The following ABLIM2 variants were observed in gnomAD, a reference collection of about 807,000 sequenced individuals.
ABLIM2 encodes actin binding LIM protein family member 2.
Under a neutral mutation model 97.7 loss-of-function variants are expected in ABLIM2, and 53 were observed. The ratio of observed to expected loss-of-function variants is 0.54; its 90% CI spans 0.44 to 0.68. The LOEUF is 0.68. Among genes scored for constraint, ABLIM2 ranks in the 30% least tolerant of loss-of-function variants. The probability of loss-of-function intolerance (pLI) is 0.00; values close to 1 mark genes in which losing one functional copy is unlikely to be tolerated. For synonymous variants in ABLIM2, 361 were observed against 345.8 expected (o/e 1.04, Z -0.49); for missense variants, 835 against 867.2 (o/e 0.96, Z 0.47).
At chr4:8,065,496 G>A (rs1451555276) in intron 6 of ABLIM2, among the ~76,000 whole-genome samples, 1 of 152,214 alleles carries the variant, frequency 6.6e-6, no homozygotes, top group Non-Finnish European at 1.5e-5. Context: ...GTGCGCTGCT[G>A]ATGGAAACAC....
At chr4:8,109,516 A>C (rs1425853474) in intron 1 of ABLIM2, among the ~76,000 whole-genome samples, 3 of 152,098 alleles carry the variant, frequency 2.0e-5, no homozygotes, top group Non-Finnish European at 4.4e-5. Flanking sequence ...TCCAGTTCCA[A>C]CCTGCCCCTA....
chr4:7,975,877 C>T (rs561294932), intron 20 of ABLIM2, among the ~76,000 whole-genome samples: 6 of 152,218 alleles, frequency 3.9e-5, no homozygotes, highest in African/African-American at 9.6e-5. Flanking sequence ...AGCGAATGCC[C>T]GACTTCAGAG....
intron 1 of ABLIM2, among the ~76,000 whole-genome samples, chr4:8,144,483 C>T (rs1482119871): frequency 1.3e-5 from 2 of 151,624 alleles, no homozygotes; most frequent in Non-Finnish European, 2.9e-5. Flanking sequence ...GACTCCCGCG[C>T]TGAGCTGCGA....
intron 3 of ABLIM2, among the ~76,000 whole-genome samples, chr4:8,096,146 G>A (rs986840885): frequency 1.3e-5 from 2 of 152,118 alleles, no homozygotes; most frequent in Non-Finnish European, 2.9e-5. Context: ...GGAAGCTGGG[G>A]CAATCACAGG....
chr4:8,027,891 C>G, intron 11 of ABLIM2, 34 bp from the exon 12 acceptor site: 1 of 1,475,178 alleles, frequency 6.8e-7, no homozygotes, highest in Non-Finnish European at 9.1e-7. Flanking sequence ...CAGAGTCAAC[C>G]TGGGCTGGCT....
rs185876223 is a variant in ABLIM2, at chr4:7,970,905, C to T, written c.1825-3802G>A. On this transcript the variant is annotated intron_variant, in intron 20 of 20. Coordinates refer to ENST00000447017, the MANE Select transcript of ABLIM2 (RefSeq NM_001130083.2). This position sits in a 1 kb window ranked among gnomAD's most constrained non-coding sequence, Gnocchi z 5.3. ...GGCCTACAGGGCCCAGGACTTGGGG[C>T]CAGGGGTCTAGGGGGCTGACAGGGA... is the stretch of plus-strand genomic sequence containing the variant. 3.3e-5 allele frequency among the ~76,000 whole-genome samples: 5 copies of T among 152,094 alleles called. 1 individual carries two copies. The highest frequency in any genetic ancestry group is 3.3e-4 in the Admixed American group (5 of 15,274).
intron 14 of ABLIM2, among the ~76,000 whole-genome samples, chr4:8,014,373 C>A (rs1767253336): frequency 6.6e-6 from 1 of 152,230 alleles, no homozygotes; most frequent in Non-Finnish European, 1.5e-5. Flanking sequence ...AAGGAGTTGA[C>A]CCATCAACAG....
At chr4:8,115,897 G>A (rs574008511) in intron 1 of ABLIM2, among the ~76,000 whole-genome samples, 9 of 152,254 alleles carry the variant, frequency 5.9e-5, no homozygotes, top group Admixed American at 2.0e-4. Flanking sequence ...CTGGGAACCC[G>A]GCGGCCATGC....
chr4:8,076,651 A>G (rs1816189750), intron 6 of ABLIM2, among the ~76,000 whole-genome samples: 1 of 150,790 alleles, frequency 6.6e-6, no homozygotes, highest in Non-Finnish European at 1.5e-5. Context: ...CGCTTCCCCC[A>G]TGGACCATGG....
At chr4:8,077,080 G>C (rs528460524) in intron 6 of ABLIM2, among the ~76,000 whole-genome samples, 1 of 152,040 alleles carries the variant, frequency 6.6e-6, no homozygotes, top group South Asian at 2.1e-4. Context: ...TGGAGGGTGG[G>C]GTTTGGTCCT....
At chr4:7,968,895 C>T (rs979212765) in intron 20 of ABLIM2, among the ~76,000 whole-genome samples, 2 of 152,132 alleles carry the variant, frequency 1.3e-5, no homozygotes, top group African/African-American at 2.4e-5. Flanking sequence ...AATCCCAGCA[C>T]TTTGGGAGGT....
intron 9 of ABLIM2, among the ~76,000 whole-genome samples, chr4:8,038,295 T>G (rs28434688): frequency 0.075 from 11,449 of 152,240 alleles, 646 homozygotes; most frequent in East Asian, 0.28. Context: ...ACCCTGGCTG[T>G]CTGACTCTAA....
chr4:8,032,748 G>A lies in ABLIM2; in HGVS notation c.1048-2972C>T, dbSNP rs1288137600. ...GGCAGAGAGGGAGGAGGGCAGTTCC[G>A]TGACTGGCAGGCAACACAGGCGCAA... On this transcript the variant is annotated intron_variant, in intron 10 of 20. Coordinates refer to ENST00000447017, the MANE Select transcript of ABLIM2 (RefSeq NM_001130083.2). This position sits in a 1 kb window ranked among gnomAD's most constrained non-coding sequence, Gnocchi z 4.3. The A allele has an allele frequency of 5.8e-6, 9 of 1,563,732 alleles. No homozygotes were observed. The highest frequency in any genetic ancestry group is 5.0e-5 in the Admixed American group (3 of 59,712).
intron 1 of ABLIM2, among the ~76,000 whole-genome samples, chr4:8,119,079 C>G (rs1245567560): frequency 1.3e-5 from 2 of 152,114 alleles, no homozygotes; most frequent in African/African-American, 4.8e-5. Context: ...CAGGGATCCT[C>G]TAGAGACCTG....
chr4:8,105,036 G>A (rs891325957), intron 2 of ABLIM2, among the ~76,000 whole-genome samples: 8 of 152,162 alleles, frequency 5.3e-5, no homozygotes, highest in Admixed American at 5.2e-4. Context: ...CAGGGCTGCA[G>A]ACACGCCTGG....
At chr4:8,000,827 C>G (rs1458759002) in intron 16 of ABLIM2, among the ~76,000 whole-genome samples, 1 of 152,172 alleles carries the variant, frequency 6.6e-6, no homozygotes, top group African/African-American at 2.4e-5. Context: ...GGGAGAAAAG[C>G]ACACAGGTGA....
rs1809805657 is a variant in ABLIM2, at chr4:8,068,831, C to T, written c.676-7777G>A. ...AGCTCTAGTTTCCTTTCTGAACTTC[C>T]AGAACTGAGTCCAGGTCTTAAAAGA... On this transcript the variant is annotated intron_variant, in intron 6 of 20. Coordinates refer to ENST00000447017, the MANE Select transcript of ABLIM2 (RefSeq NM_001130083.2). This position sits in a 1 kb window ranked among gnomAD's most constrained non-coding sequence, Gnocchi z 4.5. Among the ~76,000 whole-genome samples the T allele has an allele frequency of 1.3e-5, 2 of 152,278 alleles. No homozygotes were observed. Among genetic ancestry groups the T allele is most frequent in the African/African-American group, 4.8e-5 (2 of 41,480 alleles).
chr4:8,032,731 GGGA>G lies in ABLIM2; in HGVS notation c.1048-2958_1048-2956del, dbSNP rs144581931. ...CATTAGTGCTGGCGCCAGGCAGAGA[GGGA>G]GGAGGGCAGTTCCGTGACTGGCAGG... On this transcript the variant is annotated intron_variant, in intron 10 of 20. Coordinates refer to ENST00000447017, the MANE Select transcript of ABLIM2 (RefSeq NM_001130083.2). This position sits in a 1 kb window ranked among gnomAD's most constrained non-coding sequence, Gnocchi z 4.3. 4.0e-3 allele frequency: 6,380 copies of G among 1,606,936 alleles called. 178 individuals are homozygous for G. In the African/African-American group the frequency reaches 0.07, roughly 18 times the overall value.
At chr4:8,011,815 C>G (rs1304288062) in intron 14 of ABLIM2, among the ~76,000 whole-genome samples, 1 of 152,170 alleles carries the variant, frequency 6.6e-6, no homozygotes, top group East Asian at 1.9e-4. Context: ...CTTGGGAAAT[C>G]TTTGGTTGGA....
Sources: allele counts gnomAD v4.1 joint callset (sites outside exome capture counted in the v4.1 genomes callset), GRCh38; gene constraint gnomAD v4.1.1; non-coding constraint Gnocchi (gnomAD v3.1); transcripts MANE v1.5; gene names NCBI Gene and HGNC (gene_info 2026-07-23, HGNC 2026-07-21).